TBC1D1: variants seen among roughly 807,000 people sequenced by gnomAD.
TBC1D1 encodes the protein TBC1 (tre-2/USP6, BUB2, cdc16) domain family, member 1.
TBC1D1 carries 89 observed loss-of-function variants against 125.6 expected under a neutral mutation model. The ratio of observed to expected loss-of-function variants is 0.71; its 90% CI spans 0.60 to 0.85. The LOEUF (loss-of-function observed/expected upper bound fraction) is 0.85. Among genes scored for constraint, TBC1D1 ranks in the 40% least tolerant of loss-of-function variants. The pLI is 0.00. For synonymous variants in TBC1D1, 565 were observed against 564.1 expected (o/e 1.00, Z -0.02); for missense variants, 1,377 against 1,469.2 (o/e 0.94, Z 1.03).
chr4:38,069,278 T>C (rs6853895), intron 12 of TBC1D1, among the ~76,000 whole-genome samples: 8,786 of 152,238 alleles, frequency 0.058, 847 homozygotes, highest in African/African-American at 0.2. Flanking sequence ...TTTCCCTGAT[T>C]ATGTTCCCTT....
chr4:38,111,081 C>T (rs1398925886), intron 15 of TBC1D1, among the ~76,000 whole-genome samples: 1 of 152,262 alleles, frequency 6.6e-6, no homozygotes, highest in Non-Finnish European at 1.5e-5. Context: ...AGGTGCGCAT[C>T]ATATGGGTGG....
intron 14 of TBC1D1, 117 bp downstream of exon 16, chr4:38,096,207 A>C (rs574481962): frequency 2.5e-6 from 2 of 785,828 alleles, no homozygotes; most frequent in East Asian, 5.0e-5. Flanking sequence ...TCTTTTCATC[A>C]CATCTTAATC....
chr4:38,098,672 T>TCCAGGCCGGGCGC (rs985190289), intron 14 of TBC1D1, among the ~76,000 whole-genome samples: 4 of 152,134 alleles, frequency 2.6e-5, no homozygotes, highest in African/African-American at 9.7e-5. Context: ...ATTTAACAAC[T>TCCAGGCCGGGCGC]CCAAACAAAT....
At chr4:37,985,062 C>T (rs558280454) in intron 2 of TBC1D1, among the ~76,000 whole-genome samples, 1 of 151,892 alleles carries the variant, frequency 6.6e-6, no homozygotes, top group Non-Finnish European at 1.5e-5. Flanking sequence ...AAGCAATTCT[C>T]TTGCCTCAGC....
At chr4:37,936,194 T>G (rs1179808239) in intron 2 of TBC1D1, among the ~76,000 whole-genome samples, 8 of 152,218 alleles carry the variant, frequency 5.3e-5, no homozygotes, top group Non-Finnish European at 1.5e-5. Context: ...ATATGTTTTT[T>G]GCTGTACACA....
At chr4:38,102,051 C>A (rs896101966) in intron 14 of TBC1D1, among the ~76,000 whole-genome samples, 1 of 132,676 alleles carries the variant, frequency 7.5e-6, no homozygotes, top group African/African-American at 2.9e-5. Context: ...AATGAGAACA[C>A]TTGGACACAG....
intron 1 of TBC1D1, among the ~76,000 whole-genome samples, chr4:37,894,109 C>T (rs1295072382): frequency 1.3e-4 from 19 of 151,798 alleles, no homozygotes; most frequent in Admixed American, 1.3e-4. Flanking sequence ...CTGCCTCAGC[C>T]TCCCAAGTAG....
chr4:37,978,129 G>C (rs1733622764), intron 2 of TBC1D1, among the ~76,000 whole-genome samples: 2 of 152,212 alleles, frequency 1.3e-5, no homozygotes. Context: ...GCGCCTTCGA[G>C]ATAACTGGGT....
intron 11 of TBC1D1, 57 bp from the exon 13 acceptor site, chr4:38,053,049 A>G (rs550753681): frequency 1.6e-6 from 2 of 1,228,860 alleles, no homozygotes; most frequent in Admixed American, 8.0e-5. Context: ...CTTATATTTT[A>G]TACTTTGTGT....
chr4:38,083,934 C>CTTTT (rs61161366), intron 12 of TBC1D1, among the ~76,000 whole-genome samples: 9,819 of 133,170 alleles, frequency 0.074, 997 homozygotes, highest in African/African-American at 0.22. Flanking sequence ...TGAATGTTGT[C>CTTTT]TTTTTTTTTT....
chr4:37,966,421 G>C (rs182945118), intron 2 of TBC1D1, among the ~76,000 whole-genome samples: 1 of 152,162 alleles, frequency 6.6e-6, no homozygotes, highest in South Asian at 2.1e-4. Flanking sequence ...ACTTAGAAGC[G>C]TTTAAAAAAC....
At chr4:37,984,931 GA>G (rs1735125309) in intron 2 of TBC1D1, among the ~76,000 whole-genome samples, 1 of 151,870 alleles carries the variant, frequency 6.6e-6, no homozygotes, top group Non-Finnish European at 1.5e-5. Context: ...CCTATAGGAA[GA>G]CCTTTATTTG....
chr4:38,108,954 G>T (rs1006125363), intron 15 of TBC1D1, among the ~76,000 whole-genome samples: 1 of 152,166 alleles, frequency 6.6e-6, no homozygotes, highest in African/African-American at 2.4e-5. Flanking sequence ...TCTCCCAGGC[G>T]GTGGGCTGCC....
intron 12 of TBC1D1, among the ~76,000 whole-genome samples, chr4:38,066,905 T>A (rs1312195472): frequency 1.3e-5 from 2 of 151,898 alleles, no homozygotes; most frequent in African/African-American, 4.8e-5. Context: ...CCCGATGGAG[T>A]CTCGCTCTGT....
At chr4:38,129,036 C>T (rs1765133126) in intron 18 of TBC1D1, among the ~76,000 whole-genome samples, 1 of 152,172 alleles carries the variant, frequency 6.6e-6, no homozygotes, top group Non-Finnish European at 1.5e-5. Context: ...GCATTGTCAT[C>T]ATATCATGTC....
At chr4:38,010,918 C>A (rs1741348644) in intron 2 of TBC1D1, among the ~76,000 whole-genome samples, 1 of 152,042 alleles carries the variant, frequency 6.6e-6, no homozygotes, top group African/African-American at 2.4e-5. Flanking sequence ...TCTAGAGATG[C>A]CTAGAAAAAT....
At chr4:38,017,349 C>T (rs1232087317) in intron 3 of TBC1D1, among the ~76,000 whole-genome samples, 2 of 152,174 alleles carry the variant, frequency 1.3e-5, no homozygotes, top group African/African-American at 4.8e-5. Flanking sequence ...AAAGATGTTG[C>T]ATGTTAAAAA....
intron 1 of TBC1D1, among the ~76,000 whole-genome samples, chr4:37,895,098 G>C (rs1036810454): frequency 6.6e-6 from 1 of 152,200 alleles, no homozygotes; most frequent in Non-Finnish European, 1.5e-5. Flanking sequence ...CAAAGGGCCT[G>C]GGTTCAAATC....
At chr4:38,044,718 A>T (rs1227983217) in intron 9 of TBC1D1, among the ~76,000 whole-genome samples, 1 of 152,000 alleles carries the variant, frequency 6.6e-6, no homozygotes, top group African/African-American at 2.4e-5. Context: ...ATCCAATGGG[A>T]TTTTTTTGCC....
Sources: gnomAD v4.1 joint callset for allele counts (sites outside exome capture counted in the v4.1 genomes callset) on GRCh38, gnomAD v4.1.1 for gene constraint, MANE v1.5 for transcripts, NCBI Gene and HGNC (gene_info 2026-07-23, HGNC 2026-07-21) for gene names.